Variants in GRID2 observed in about 807,000 individuals in gnomAD.
The protein encoded by GRID2 is glutamate receptor ionotropic, delta-2.
In GRID2, 33 loss-of-function variants were observed where a neutral mutation model predicts 114.8. That is an observed-to-expected ratio of 0.29 (90% CI 0.22 to 0.38). The LOEUF is 0.38. Ranked by LOEUF, GRID2 falls within the 10% of genes least tolerant of loss-of-function variation. The probability of loss-of-function intolerance (pLI) is 1.00; values close to 1 mark genes in which losing one functional copy is unlikely to be tolerated. For missense variants in GRID2, 1,184 were observed against 1,257.7 expected (o/e 0.94, Z 0.89); for synonymous variants, 505 against 449.9 (o/e 1.12, Z -1.55).
intron 8 of GRID2, among the ~76,000 whole-genome samples, chr4:93,293,973 C>T (rs367816333): frequency 2.2e-4 from 33 of 151,896 alleles, no homozygotes; most frequent in African/African-American, 6.3e-4. Context: ...TCACAGACGG[C>T]GATTATGCTG....
rs538383469 is a variant in GRID2 at position 93,325,281 on chromosome 4, T to A, written c.1246-70326T>A. Among the ~76,000 whole-genome samples, 19 of 152,158 alleles carry A rather than the reference T, an allele frequency of 1.2e-4. No individual in the cohort carries two copies. In the South Asian group the frequency reaches 3.7e-3, roughly 30 times the overall value. ...CGACCATAATATTTTAAAATGTGTCTTCTTTCTTCCTACATGGAACTTATT... is the reference window on the plus strand; with the variant it reads ...CGACCATAATATTTTAAAATGTGTCATCTTTCTTCCTACATGGAACTTATT... On this transcript the variant is annotated intron_variant, in intron 8 of 15. Coordinates refer to ENST00000282020, the MANE Select transcript of GRID2 (RefSeq NM_001510.4).
chr4:93,685,697 C>T (rs1374240781), intron 14 of GRID2, among the ~76,000 whole-genome samples: 1 of 152,014 alleles, frequency 6.6e-6, no homozygotes, highest in Non-Finnish European at 1.5e-5. Context: ...TTAGGCACTT[C>T]CAATTCTCTG....
chr4:92,451,059 T>C (rs1282214338), intron 1 of GRID2, among the ~76,000 whole-genome samples: 2 of 152,208 alleles, frequency 1.3e-5, no homozygotes, highest in East Asian at 3.9e-4. Context: ...CAATGCACTT[T>C]TGCAGTTGTC....
At chr4:93,241,003 G>T (rs7686280) in intron 8 of GRID2, among the ~76,000 whole-genome samples, 55,559 of 151,204 alleles carry the variant, frequency 0.37, 11,894 homozygotes, top group African/African-American at 0.6. Context: ...AAATGGATAA[G>T]GTAGTATTTA....
At chr4:93,195,201 A>G (rs1160339908) in intron 4 of GRID2, among the ~76,000 whole-genome samples, 1 of 152,198 alleles carries the variant, frequency 6.6e-6, no homozygotes, top group Non-Finnish European at 1.5e-5. Context: ...AGTTACTGGT[A>G]CAGATACTGA....
In GRID2 at chr4:93,769,326, T is replaced by A; in HGVS notation, c.2477T>A (p.Leu826Gln). 6.2e-7 allele frequency: 1 copy of A among 1,614,126 alleles called. No individual in the cohort carries two copies. The highest frequency in any genetic ancestry group is 8.5e-7 in the Non-Finnish European group (1 of 1,179,992). ...SVDTKQKGGA[L>Q]DIKSFAGVFC... Reference sequence around the variant, plus strand: ...GACACAAAGCAGAAAGGAGGCGCCCTGGACATAAAGAGCTTTGCAGGGGTC... The same window carrying A: ...GACACAAAGCAGAAAGGAGGCGCCCAGGACATAAAGAGCTTTGCAGGGGTC... The change falls in exon 15 of 16, where the codon CTG (leucine) becomes CAG (glutamine). Residue 826 changes from leucine to glutamine, a missense_variant. Physicochemically the swap from Leu to Gln is moderately radical, Grantham distance 113. Transcript: ENST00000282020.
At chr4:93,624,108 T>TGTACATA (rs1742466538) in intron 13 of GRID2, among the ~76,000 whole-genome samples, 2 of 152,168 alleles carry the variant, frequency 1.3e-5, no homozygotes, top group Admixed American at 6.5e-5. Flanking sequence ...TTATATTTAA[T>TGTACATA]GTACATAGAT....
chr4:93,461,955 G>C (rs770652558), intron 11 of GRID2, among the ~76,000 whole-genome samples: 3 of 152,214 alleles, frequency 2.0e-5, no homozygotes, highest in Middle Eastern at 3.4e-3. Flanking sequence ...TGCAAATGTA[G>C]TTGTATGTAA....
At chr4:92,802,371 A>G (rs1002315445) in intron 2 of GRID2, among the ~76,000 whole-genome samples, 3 of 152,056 alleles carry the variant, frequency 2.0e-5, no homozygotes, top group Non-Finnish European at 4.4e-5. Flanking sequence ...TCACAAAGGT[A>G]TATAATGACA....
intron 14 of GRID2, among the ~76,000 whole-genome samples, chr4:93,708,311 T>C (rs1244440190): frequency 1.5e-5 from 2 of 136,724 alleles, no homozygotes; most frequent in African/African-American, 3.7e-5. Flanking sequence ...TCTCCAGCTA[T>C]TATTGTATCA....
chr4:92,584,106 C>T (rs17019639), intron 1 of GRID2, among the ~76,000 whole-genome samples: 57,600 of 151,546 alleles, frequency 0.38, 10,953 homozygotes, highest in Middle Eastern at 0.46. Flanking sequence ...CTGCTAATTT[C>T]TCTTACTACC....
intron 2 of GRID2, among the ~76,000 whole-genome samples, chr4:92,683,462 G>C (rs1052838185): frequency 6.6e-5 from 10 of 152,128 alleles, no homozygotes; most frequent in Admixed American, 3.3e-4. Flanking sequence ...ATCAAGAGAA[G>C]TGGTGTTTTT....
chr4:92,369,932 C>T (rs1245631333), intron 1 of GRID2, among the ~76,000 whole-genome samples: 1 of 152,068 alleles, frequency 6.6e-6, no homozygotes, highest in East Asian at 1.9e-4. Context: ...ATTTATGTAG[C>T]AAACACTGGG....
chr4:93,068,419 G>T (rs1728502813), intron 2 of GRID2, among the ~76,000 whole-genome samples: 2 of 151,976 alleles, frequency 1.3e-5, no homozygotes, highest in Non-Finnish European at 2.9e-5. Context: ...CAGAATTATG[G>T]AAAATATCAT....
intron 2 of GRID2, among the ~76,000 whole-genome samples, chr4:92,757,735 C>G (rs1737797938): frequency 6.6e-6 from 1 of 151,582 alleles, no homozygotes; most frequent in Admixed American, 6.6e-5. Context: ...TAGTGAGGAA[C>G]AGCCATTGAA....
chr4:93,361,568 G>A (rs1761885937), intron 8 of GRID2, among the ~76,000 whole-genome samples: 1 of 151,620 alleles, frequency 6.6e-6, no homozygotes, highest in African/African-American at 2.4e-5. Context: ...GGTCATGCAT[G>A]TTGTCCACCT....
chr4:92,996,301 A>C (rs919833343), intron 2 of GRID2, among the ~76,000 whole-genome samples: 10 of 151,556 alleles, frequency 6.6e-5, no homozygotes, highest in African/African-American at 2.4e-4. Context: ...TTCTAAAAAA[A>C]AAAATAAAAA....
At chr4:93,109,701 T>C (rs1403806957) in intron 3 of GRID2, among the ~76,000 whole-genome samples, 1 of 152,154 alleles carries the variant, frequency 6.6e-6, no homozygotes, top group Non-Finnish European at 1.5e-5. Flanking sequence ...ATTCTTTGGA[T>C]ATATAATGAA....
At chr4:93,350,868 T>A (rs1579776994) in intron 8 of GRID2, among the ~76,000 whole-genome samples, 1 of 151,986 alleles carries the variant, frequency 6.6e-6, no homozygotes, top group Non-Finnish European at 1.5e-5. Context: ...CATACCCAAG[T>A]CTGGGTTATT....
Sources: gnomAD v4.1 joint callset for allele counts (sites outside exome capture counted in the v4.1 genomes callset) on GRCh38, gnomAD v4.1.1 for gene constraint, MANE v1.5 for transcripts, NCBI Gene and HGNC (gene_info 2026-07-23, HGNC 2026-07-21) for gene names.